Variants in NXN observed in about 807,000 individuals in gnomAD.
NXN encodes the protein nucleoredoxin.
In NXN, 16 loss-of-function variants were observed where a neutral mutation model predicts 48.6. The ratio of observed to expected loss-of-function variants is 0.33; its 90% CI spans 0.22 to 0.50. The LOEUF is 0.50. NXN is among the 20% of genes least tolerant of loss of function. The pLI, the probability that NXN is intolerant of heterozygous loss-of-function variation, is 0.98. For synonymous variants in NXN, 281 were observed against 269.6 expected, an observed-to-expected ratio of 1.04 and a Z score of -0.41; for missense variants, 492 against 605.5, an observed-to-expected ratio of 0.81 and a Z score of 1.97.
At chr17:805,796 C>T (rs910852682) in intron 5 of NXN, among the ~76,000 whole-genome samples, 1 of 152,124 alleles carries the variant, frequency 6.6e-6, no homozygotes, top group Non-Finnish European at 1.5e-5. Flanking sequence ...CAGGATTGCA[C>T]CACTGCACTC....
At position 821,208 on chromosome 17, in the gene NXN, G is replaced by A. The variant is rs139942868; in HGVS notation, c.713+1149C>T. 5.2e-5 allele frequency among the ~76,000 whole-genome samples: 4 copies of A among 77,502 alleles called. 1 individual carries two copies. Among genetic ancestry groups the A allele is most frequent in the Non-Finnish European group, 9.6e-5 (4 of 41,834 alleles). The allele number at this position is 77,502 out of a possible 152,430, so 50.8% of individuals were successfully genotyped here. A position where few individuals can be genotyped will look rare whatever the true frequency, so the allele number is the denominator to read the frequency against. The stretch of plus-strand genomic sequence containing the variant: ...ATGTACAAAGTGCCCTGTGTGTGCC[G>A]GCATCTCGGATCCTTTTGGGAACAG... On this transcript the variant is annotated intron_variant, in intron 4 of 7. Transcript: ENST00000336868.
chr17:853,723 A>ATATATATATATATATATATAT (rs1491528474), intron 1 of NXN, among the ~76,000 whole-genome samples: 19 of 105,962 alleles, frequency 1.8e-4, no homozygotes, highest in Non-Finnish European at 2.8e-4. Context: ...ATATATATAT[A>ATATATATATATATATATATAT]TTTTTTTTTT....
At chr17:916,776 T>C (rs567372951) in intron 1 of NXN, among the ~76,000 whole-genome samples, 9 of 152,090 alleles carry the variant, frequency 5.9e-5, no homozygotes, top group Non-Finnish European at 1.3e-4. Flanking sequence ...CGGACATCTG[T>C]AATCCCAGCC....
At chr17:966,421 C>T (rs1392723036) in intron 1 of NXN, among the ~76,000 whole-genome samples, 1 of 151,998 alleles carries the variant, frequency 6.6e-6, no homozygotes, top group African/African-American at 2.4e-5. Context: ...GAATTTGGCT[C>T]ACCGCAACCT....
chr17:961,119 C>T (rs2060882143), intron 1 of NXN, among the ~76,000 whole-genome samples: 1 of 151,358 alleles, frequency 6.6e-6, no homozygotes, highest in African/African-American at 2.4e-5. Context: ...TCAGGCTGGG[C>T]ACAGTGGCTC....
chr17:812,778 G>GTGCA (rs1007083248), intron 5 of NXN, among the ~76,000 whole-genome samples: 1 of 132,304 alleles, frequency 7.6e-6, no homozygotes, highest in Non-Finnish European at 1.8e-5. Context: ...GTGTAGGTGT[G>GTGCA]TGCATGTGTG....
At position 896,833 on chromosome 17, in the gene NXN, A is replaced by G. The variant is rs1597222700; in HGVS notation, c.361-70755T>C. ...AACCTCTGCAGATCTCGAAGATGCT[A>G]AAATGGACCACGCGGTCCTGACCAC... On this transcript the variant is annotated intron_variant, in intron 1 of 7. Coordinates refer to ENST00000336868, the MANE Select transcript of NXN (RefSeq NM_022463.5). 1.0e-5 allele frequency: 12 copies of G among 1,164,744 alleles called. No homozygotes were observed. In the South Asian group the frequency reaches 1.4e-4, roughly 14 times the overall value. The allele number at this position is 1,164,744 out of a possible 1,614,324, so 72.2% of individuals were successfully genotyped here. A position where few individuals can be genotyped will look rare whatever the true frequency, so the allele number is the denominator to read the frequency against.
At chr17:810,309 G>GTGGCGTGCACGTTACGAGTCTGTGAC (rs1567810914) in intron 5 of NXN, among the ~76,000 whole-genome samples, 7 of 87,570 alleles carry the variant, frequency 8.0e-5, no homozygotes, top group African/African-American at 2.5e-4. Context: ...GAGTCTGTGA[G>GTGGCGTGCACGTTACGAGTCTGTGAC]TGGTGTGCAC....
intron 1 of NXN, among the ~76,000 whole-genome samples, chr17:895,759 A>G (rs991175865): frequency 3.4e-4 from 29 of 85,622 alleles, no homozygotes; most frequent in East Asian, 1.5e-3. Context: ...CGGAGCTTGC[A>G]GTGAGCCGAG....
At chr17:817,155 G>T (rs996570898) in intron 5 of NXN, among the ~76,000 whole-genome samples, 3 of 152,086 alleles carry the variant, frequency 2.0e-5, no homozygotes, top group African/African-American at 7.2e-5. Flanking sequence ...TGTGGTCCAT[G>T]GGCTGGCAAC....
intron 1 of NXN, among the ~76,000 whole-genome samples, chr17:881,204 G>A (rs1272016628): frequency 2.0e-5 from 3 of 152,352 alleles, no homozygotes; most frequent in East Asian, 3.9e-4. Context: ...AGGACGTGGA[G>A]CAAGTGCGAG....
At chr17:854,748 A>C (rs1166498909) in intron 1 of NXN, among the ~76,000 whole-genome samples, 2 of 151,704 alleles carry the variant, frequency 1.3e-5, no homozygotes, top group African/African-American at 4.8e-5. Flanking sequence ...CACCTGAGGT[A>C]AGGAATTTGA....
rs117148088 is a variant in NXN at position 920,463 on chromosome 17, G to T, written c.360+58856C>A. 9.2e-3 allele frequency among the ~76,000 whole-genome samples: 1,403 copies of T among 152,042 alleles called. 23 individuals are homozygous for T. Among genetic ancestry groups the T allele is most frequent in the East Asian group, 0.057 (293 of 5,142 alleles). ...CCTGCCTGATCCCAATTCCTCCAGC[G>T]TTCTCCTCCCAGGGTTCCGCTCCCT... On this transcript the variant is annotated intron_variant, in intron 1 of 7. Coordinates refer to ENST00000336868, the MANE Select transcript of NXN (RefSeq NM_022463.5). The surrounding 1 kb of genome is among the most constrained non-coding windows in gnomAD (Gnocchi z 4.6).
chr17:876,186 G>GAAAGAA (rs2068212519), intron 1 of NXN, among the ~76,000 whole-genome samples: 1 of 103,854 alleles, frequency 9.6e-6, no homozygotes, highest in African/African-American at 4.1e-5. Flanking sequence ...CATCAGAAAA[G>GAAAGAA]AAAGAAAAAA....
chr17:936,619 G>A (rs1263130472), intron 1 of NXN, among the ~76,000 whole-genome samples: 1 of 151,426 alleles, frequency 6.6e-6, no homozygotes, highest in African/African-American at 2.4e-5. Context: ...CAGGTCTGGG[G>A]TGCCCAATTC....
At chr17:841,583 CG>C (rs1914281658) in intron 1 of NXN, among the ~76,000 whole-genome samples, 1 of 73,922 alleles carries the variant, frequency 1.4e-5, no homozygotes, top group Admixed American at 1.5e-4. Flanking sequence ...GAGCATCTCA[CG>C]CCGGCGAGCA....
intron 1 of NXN, among the ~76,000 whole-genome samples, chr17:941,412 T>A (rs1264584752): frequency 6.9e-6 from 1 of 145,824 alleles, no homozygotes. Context: ...CTCCCTGGAT[T>A]TACAGCGAAC....
At chr17:907,488 C>T (rs1330420491) in intron 1 of NXN, among the ~76,000 whole-genome samples, 4 of 151,952 alleles carry the variant, frequency 2.6e-5, no homozygotes, top group Non-Finnish European at 5.9e-5. Context: ...TACAGGTGCC[C>T]GCCACCACGC....
intron 1 of NXN, among the ~76,000 whole-genome samples, chr17:974,545 A>G (rs1407642252): frequency 6.6e-6 from 1 of 152,022 alleles, no homozygotes; most frequent in Non-Finnish European, 1.5e-5. Flanking sequence ...TATCTCGCGT[A>G]GCCTTTACAC....
Sources: gnomAD v4.1 joint callset for allele counts (sites outside exome capture counted in the v4.1 genomes callset) on GRCh38, gnomAD v4.1.1 for gene constraint, Gnocchi (gnomAD v3.1) non-coding constraint, MANE v1.5 for transcripts, NCBI Gene and HGNC (gene_info 2026-07-23, HGNC 2026-07-21) for gene names.